ARHGAP6: variants seen among roughly 807,000 people sequenced by gnomAD.
ARHGAP6 encodes rho GTPase-activating protein 6.
A neutral mutation model predicts 55.7 loss-of-function variants in ARHGAP6; 16 were observed. The observed-to-expected ratio is 0.29, with a 90% confidence interval of 0.19 to 0.44. The LOEUF is 0.44. Ranked by LOEUF, ARHGAP6 falls within the 20% of genes least tolerant of loss-of-function variation. The pLI is 1.00. For synonymous variants in ARHGAP6, 382 were observed against 360.9 expected (o/e 1.06, Z -0.66); for missense variants, 698 against 808.9 (o/e 0.86, Z 1.66).
At chrX:11,504,929 C>T (rs953259609) in intron 1 of ARHGAP6, among the ~76,000 whole-genome samples, 2 of 111,962 alleles carry the variant, frequency 1.8e-5, no homozygotes, top group South Asian at 7.6e-4. Context: ...CTCCTTAGAC[C>T]TGGTAAATGA....
At chrX:11,597,424 A>G (rs2051915390) in intron 1 of ARHGAP6, among the ~76,000 whole-genome samples, 1 of 111,606 alleles carries the variant, frequency 9.0e-6, no homozygotes, top group African/African-American at 3.3e-5. Context: ...GTAGGAGTGA[A>G]GTTTATGGCC....
chrX:11,404,615 G>A (rs2049589198), intron 1 of ARHGAP6, among the ~76,000 whole-genome samples: 1 of 111,488 alleles, frequency 9.0e-6, no homozygotes, highest in African/African-American at 3.3e-5. Context: ...TGTGTTTGTG[G>A]GTGGTTATAA....
At chrX:11,375,381 A>G (rs1377790624) in intron 1 of ARHGAP6, among the ~76,000 whole-genome samples, 1 of 112,517 alleles carries the variant, frequency 8.9e-6, no homozygotes, top group Non-Finnish European at 1.9e-5. Flanking sequence ...AAACATTTAT[A>G]TTTGAAGGGC....
chrX:11,301,505 C>A (rs947925891), intron 1 of ARHGAP6, among the ~76,000 whole-genome samples: 1 of 111,934 alleles, frequency 8.9e-6, no homozygotes, highest in Non-Finnish European at 1.9e-5. Flanking sequence ...ATTACACAAA[C>A]CCATGGTAAC....
intron 1 of ARHGAP6, among the ~76,000 whole-genome samples, chrX:11,402,932 G>A (rs186870106): frequency 9.1e-4 from 102 of 111,831 alleles, no homozygotes; most frequent in Non-Finnish European, 1.6e-3. Flanking sequence ...AAATAAATAG[G>A]TAATTTCACT....
At chrX:11,256,107 C>T (rs1397425842) in intron 1 of ARHGAP6, among the ~76,000 whole-genome samples, 6 of 112,369 alleles carry the variant, frequency 5.3e-5, no homozygotes, top group Admixed American at 9.4e-5. Flanking sequence ...AGAAGTCACT[C>T]GCCTGGACGT....
chrX:11,188,171 T>C (rs1264600835), intron 4 of ARHGAP6, among the ~76,000 whole-genome samples: 1 of 112,254 alleles, frequency 8.9e-6, no homozygotes, highest in Non-Finnish European at 1.9e-5. Context: ...ATTCAAATAA[T>C]AGCACAGTAC....
chrX:11,415,877 C>G (rs2049740611), intron 1 of ARHGAP6, among the ~76,000 whole-genome samples: 1 of 111,752 alleles, frequency 8.9e-6, no homozygotes, highest in Admixed American at 9.5e-5. Context: ...CTCTGTCTAG[C>G]TAAGCCAACC....
chrX:11,246,465 A>G (rs1003770924), intron 2 of ARHGAP6, among the ~76,000 whole-genome samples: 26 of 111,562 alleles, frequency 2.3e-4, no homozygotes, highest in Non-Finnish European at 4.0e-4. Flanking sequence ...AGAGTGAGAG[A>G]AAGAGCTTAA....
At chrX:11,663,829 C>A (rs1413974073) in intron 1 of ARHGAP6, among the ~76,000 whole-genome samples, 1 of 112,595 alleles carries the variant, frequency 8.9e-6, no homozygotes, top group East Asian at 2.8e-4. Flanking sequence ...TTTCTGAATT[C>A]TCTACAGAAC....
rs1601688064 is a variant in ARHGAP6 at position 11,601,258 on chromosome X, G to A, written c.588+62983C>T. Among the ~76,000 whole-genome samples the A allele has an allele frequency of 2.7e-5, 3 of 111,429 alleles. No individual in the cohort carries two copies. In the Admixed American group the frequency reaches 2.9e-4, roughly 11 times the overall value. On this transcript the variant is annotated intron_variant, in intron 1 of 12. Coordinates refer to ENST00000337414, the MANE Select transcript of ARHGAP6 (RefSeq NM_013427.3). ...GACAGCAGCAGTGTATGGGAAGGGA[G>A]CCATTATGAAGGGAGGCCTAGTAGG...
rs184978939 is a variant in ARHGAP6, at chrX:11,205,843, G to A, written c.749-8847C>T. Among the ~76,000 whole-genome samples the A allele has an allele frequency of 3.9e-4, 44 of 111,769 alleles. No individual in the cohort carries two copies. In the East Asian group the frequency reaches 0.011, roughly 27 times the overall value. ...TCCTTTCACAAATGTATTTTACCCT[G>A]ACCACTACTACCATCTACTTATAAC... On this transcript the variant is annotated intron_variant, in intron 2 of 12. Transcript: ENST00000337414.
intron 1 of ARHGAP6, among the ~76,000 whole-genome samples, chrX:11,661,915 G>A (rs759100560): frequency 1.8e-5 from 2 of 112,013 alleles, no homozygotes; most frequent in African/African-American, 6.5e-5. Context: ...AGTGCTACTC[G>A]CATCTAGTGG....
At chrX:11,555,963 G>A (rs761577952) in intron 1 of ARHGAP6, among the ~76,000 whole-genome samples, 23 of 111,104 alleles carry the variant, frequency 2.1e-4, no homozygotes, top group African/African-American at 7.2e-4. Flanking sequence ...CTGATGAAAC[G>A]GAAGTTCACT....
At chrX:11,188,634 A>C (rs1179490274) in intron 4 of ARHGAP6, 94 bp downstream of exon 4, 3 of 1,096,955 alleles carry the variant, frequency 2.7e-6, no homozygotes, top group Non-Finnish European at 3.7e-6. Context: ...CACCAACTAC[A>C]TATCCAGTTT....
At chrX:11,606,219 G>A (rs1295030391) in intron 1 of ARHGAP6, among the ~76,000 whole-genome samples, 2 of 111,827 alleles carry the variant, frequency 1.8e-5, no homozygotes, top group Non-Finnish European at 3.8e-5. Context: ...ACACCCACTT[G>A]GACTGGATAG....
intron 1 of ARHGAP6, among the ~76,000 whole-genome samples, chrX:11,514,856 ACACACACACACACACACTCATC>A (rs1283114924): frequency 5.5e-5 from 6 of 109,712 alleles, no homozygotes; most frequent in Non-Finnish European, 1.1e-4. Flanking sequence ...ACACACACAC[ACACACACACACACACACTCATC>A]CACACATTTT....
chrX:11,249,882 T>TA (rs1416932329), intron 2 of ARHGAP6, among the ~76,000 whole-genome samples: 3 of 111,453 alleles, frequency 2.7e-5, no homozygotes, highest in East Asian at 2.8e-4. Context: ...TTCCCTAGTG[T>TA]AAAAAAATAT....
chrX:11,151,072 T>C (rs2045769008), intron 10 of ARHGAP6, among the ~76,000 whole-genome samples: 1 of 111,306 alleles, frequency 9.0e-6, no homozygotes, highest in South Asian at 3.8e-4. Context: ...CTTTGTTTTG[T>C]TGCAAATATT....
Sources: allele counts gnomAD v4.1 joint callset (sites outside exome capture counted in the v4.1 genomes callset), GRCh38; gene constraint gnomAD v4.1.1; transcripts MANE v1.5; gene names NCBI Gene and HGNC (gene_info 2026-07-23, HGNC 2026-07-21).